Variants in CALN1 observed in about 807,000 individuals in gnomAD.
The protein encoded by CALN1 is calcium-binding protein 8.
In CALN1, 17 loss-of-function variants were observed where a neutral mutation model predicts 30.6. The ratio of observed to expected loss-of-function variants is 0.56; its 90% CI spans 0.38 to 0.83. The LOEUF (loss-of-function observed/expected upper bound fraction) is 0.83, where lower values mean the gene tolerates loss of function less well. Ranked by LOEUF, CALN1 falls within the 40% of genes least tolerant of loss-of-function variation. The probability of loss-of-function intolerance (pLI) is 0.00; values close to 1 mark genes in which losing one functional copy is unlikely to be tolerated. For missense variants in CALN1, 291 were observed against 354.9 expected (o/e 0.82, Z 1.45); for synonymous variants, 156 against 131.4 (o/e 1.19, Z -1.28).
chr7:72,283,295 A>T (rs890112884), intron 2 of CALN1, among the ~76,000 whole-genome samples: 15 of 152,020 alleles, frequency 9.9e-5, no homozygotes, highest in Admixed American at 5.2e-4. Context: ...GAGGCCAAGG[A>T]GGGAGGATCA....
intron 3 of CALN1, among the ~76,000 whole-genome samples, chr7:72,205,572 A>ACACATATATATATATACGTG (rs1175461623): frequency 7.9e-6 from 1 of 126,688 alleles, no homozygotes; most frequent in African/African-American, 3.2e-5. Flanking sequence ...ATATATGTAT[A>ACACATATATATATATACGTG]TATATATATA....
chr7:72,484,372 A>G, the CALN1 span, among the ~76,000 whole-genome samples: 5 of 151,914 alleles, frequency 3.3e-5, no homozygotes, highest in Non-Finnish European at 7.4e-5. Flanking sequence ...ATCTAGAGTT[A>G]ATTATTCTCC....
chr7:72,146,333 CAGAG>C (rs1179850641), intron 3 of CALN1, among the ~76,000 whole-genome samples: 2 of 152,102 alleles, frequency 1.3e-5, no homozygotes, highest in Non-Finnish European at 2.9e-5. Flanking sequence ...CAATAACAGA[CAGAG>C]AGCCAAATCA....
intron 1 of CALN1, among the ~76,000 whole-genome samples, chr7:72,423,165 C>A (rs930030745): frequency 2.7e-5 from 4 of 150,820 alleles, no homozygotes; most frequent in African/African-American, 9.7e-5. Flanking sequence ...TTCATCTTAT[C>A]AATTTCACCT....
intron 6 of CALN1, among the ~76,000 whole-genome samples, chr7:71,809,882 A>G (rs954053016): frequency 6.6e-6 from 1 of 151,814 alleles, no homozygotes; most frequent in African/African-American, 2.4e-5. Flanking sequence ...CATTCCTAAG[A>G]ATTCTGCGAA....
At chr7:72,501,209 G>C in the CALN1 span, among the ~76,000 whole-genome samples, 1 of 151,452 alleles carries the variant, frequency 6.6e-6, no homozygotes, top group Admixed American at 6.6e-5. Context: ...TCAAGGATGA[G>C]TGGCTTCAGA....
intron 4 of CALN1, among the ~76,000 whole-genome samples, chr7:72,031,506 A>G (rs1237958414): frequency 6.6e-6 from 1 of 152,190 alleles, no homozygotes; most frequent in East Asian, 1.9e-4. Flanking sequence ...GGTTAAGAAT[A>G]ACTGTATCAA....
chr7:72,024,014 C>T (rs1800887099), intron 4 of CALN1, among the ~76,000 whole-genome samples: 1 of 152,190 alleles, frequency 6.6e-6, no homozygotes, highest in African/African-American at 2.4e-5. Flanking sequence ...AGCTAAATGT[C>T]CAACCATCAC....
At chr7:72,351,118 A>C (rs369122229) in intron 2 of CALN1, among the ~76,000 whole-genome samples, 120 of 152,274 alleles carry the variant, frequency 7.9e-4, no homozygotes, top group African/African-American at 2.8e-3. Flanking sequence ...TGGGTGACAA[A>C]GTGAGACTGT....
chr7:72,474,600 G>A, the CALN1 span, among the ~76,000 whole-genome samples: 472 of 151,996 alleles, frequency 3.1e-3, 2 homozygotes, highest in African/African-American at 0.011. Flanking sequence ...CCAGAGGATC[G>A]CTTGAGCTGG....
intron 3 of CALN1, among the ~76,000 whole-genome samples, chr7:72,270,097 GTGTGTGTGTGTATGTA>G (rs1405199191): frequency 6.6e-6 from 1 of 151,984 alleles, no homozygotes; most frequent in Admixed American, 6.6e-5. Context: ...GTTTCCGTGT[GTGTGTGTGTGTATGTA>G]TGTGTGTGTG....
intron 5 of CALN1, among the ~76,000 whole-genome samples, chr7:71,976,771 G>C (rs1798119745): frequency 6.6e-6 from 1 of 152,174 alleles, no homozygotes; most frequent in African/African-American, 2.4e-5. Flanking sequence ...TGAGATAAAA[G>C]AACTGACTGA....
intron 3 of CALN1, among the ~76,000 whole-genome samples, chr7:72,222,207 C>T (rs1283309264): frequency 6.7e-6 from 1 of 149,634 alleles, no homozygotes; most frequent in South Asian, 2.1e-4. Context: ...GTCTGGGTAA[C>T]AGAGCGAGAC....
intron 5 of CALN1, among the ~76,000 whole-genome samples, chr7:72,010,479 T>C (rs1041048187): frequency 6.6e-6 from 1 of 152,042 alleles, no homozygotes; most frequent in African/African-American, 2.4e-5. Context: ...TCCAAAGCCA[T>C]TTTCCATCAT....
At chr7:71,944,731 G>T (rs775183304) in intron 5 of CALN1, among the ~76,000 whole-genome samples, 2 of 151,658 alleles carry the variant, frequency 1.3e-5, no homozygotes, top group Non-Finnish European at 2.9e-5. Flanking sequence ...TTATAAATCA[G>T]TGAATTAATA....
the CALN1 span, among the ~76,000 whole-genome samples, chr7:72,477,400 G>A: frequency 6.6e-6 from 1 of 151,964 alleles, no homozygotes; most frequent in Non-Finnish European, 1.5e-5. Flanking sequence ...GCTCAGGGCC[G>A]CCACCTTCTC....
intron 4 of CALN1, among the ~76,000 whole-genome samples, chr7:72,044,599 C>CTTTTTTTTTTTTTTTTTTTT (rs549079139): frequency 2.1e-5 from 2 of 96,684 alleles, no homozygotes; most frequent in African/African-American, 8.2e-5. Flanking sequence ...CCGCTTAAAA[C>CTTTTTTTTTTTTTTTTTTTT]TTTTTTTTTT....
intron 1 of CALN1, among the ~76,000 whole-genome samples, chr7:72,428,041 CA>C (rs1807853893): frequency 6.6e-6 from 1 of 152,174 alleles, no homozygotes; most frequent in Non-Finnish European, 1.5e-5. Context: ...CATGTCATCC[CA>C]GCCTCAGCTC....
At chr7:72,380,360 G>A (rs1339407143) in intron 2 of CALN1, among the ~76,000 whole-genome samples, 1 of 152,192 alleles carries the variant, frequency 6.6e-6, no homozygotes, top group Non-Finnish European at 1.5e-5. Flanking sequence ...GGTAGGCTGG[G>A]TGCAGTGGCT....
Sources: allele counts gnomAD v4.1 joint callset (sites outside exome capture counted in the v4.1 genomes callset), GRCh38; gene constraint gnomAD v4.1.1; transcripts MANE v1.5; gene names NCBI Gene and HGNC (gene_info 2026-07-23, HGNC 2026-07-21).